MITF: variants seen among roughly 807,000 people sequenced by gnomAD.
MITF encodes microphthalmia-associated transcription factor.
A neutral mutation model predicts 60.5 loss-of-function variants in MITF; 17 were observed. The observed-to-expected ratio is 0.28, with a 90% CI of 0.19 to 0.42. The LOEUF is 0.42. MITF is among the 10% of genes least tolerant of loss of function. The probability of loss-of-function intolerance (pLI) is 1.00; values close to 1 mark genes in which losing one functional copy is unlikely to be tolerated. For missense variants in MITF, 622 were observed against 683.5 expected (o/e 0.91, Z 1.00); for synonymous variants, 260 against 248.5 (o/e 1.05, Z -0.43).
At chr3:69,751,168 T>G (rs894024980) in intron 1 of MITF, among the ~76,000 whole-genome samples, 2 of 152,242 alleles carry the variant, frequency 1.3e-5, no homozygotes, top group African/African-American at 4.8e-5. Context: ...ATGGTGGTTT[T>G]GGGCATGTCC....
At chr3:69,941,368 G>A (rs569548850) in intron 5 of MITF, 37 bp downstream of exon 5, 1 of 1,339,740 alleles carries the variant, frequency 7.5e-7, no homozygotes, top group South Asian at 1.2e-5. Context: ...AAATCTTGAG[G>A]TGTTTCCAGG....
intron 1 of MITF, among the ~76,000 whole-genome samples, chr3:69,818,930 A>G (rs2063222729): frequency 6.6e-6 from 1 of 152,190 alleles, no homozygotes; most frequent in African/African-American, 2.4e-5. Context: ...TATTACTAAT[A>G]CACGTGTATG....
At chr3:69,884,218 G>A (rs957496776) in intron 2 of MITF, among the ~76,000 whole-genome samples, 5 of 152,028 alleles carry the variant, frequency 3.3e-5, no homozygotes, top group South Asian at 2.1e-4. Context: ...CCTCCCTTCC[G>A]TCATGTTCCC....
chr3:69,860,713 A>C (rs1269249351), intron 1 of MITF, among the ~76,000 whole-genome samples: 1 of 152,000 alleles, frequency 6.6e-6, no homozygotes, highest in Non-Finnish European at 1.5e-5. Context: ...AAAACATTTA[A>C]TTTTTCCTTC....
chr3:69,753,231 G>A (rs1452785057), intron 1 of MITF, among the ~76,000 whole-genome samples: 1 of 152,246 alleles, frequency 6.6e-6, no homozygotes, highest in Non-Finnish European at 1.5e-5. Flanking sequence ...GGTGCAAGCT[G>A]TAAGCCTTGG....
At chr3:69,763,943 G>A in intron 1 of MITF, 1 of 1,356,814 alleles carries the variant, frequency 7.4e-7, no homozygotes, top group South Asian at 1.2e-5. Context: ...TTTCAAGAAG[G>A]TAATACAGAT....
At chr3:69,959,149 C>T in intron 8 of MITF, 124 bp from the exon 9 acceptor site, 2 of 1,193,298 alleles carry the variant, frequency 1.7e-6, no homozygotes, top group South Asian at 1.5e-5. Flanking sequence ...CACCTGTTCC[C>T]CCAAAACTAT....
chr3:69,960,848 G>A, intron 9 of MITF, among the ~76,000 whole-genome samples: 1 of 152,080 alleles, frequency 6.6e-6, no homozygotes, highest in East Asian at 1.9e-4. Context: ...CTTATATTTT[G>A]AAATGCCACA....
intron 2 of MITF, chr3:69,936,449 G>A: frequency 1.9e-6 from 1 of 520,410 alleles, no homozygotes; most frequent in Non-Finnish European, 3.1e-6. Context: ...ATGACGTCAA[G>A]CCAGGGGGAA....
intron 1 of MITF, among the ~76,000 whole-genome samples, chr3:69,754,076 G>A (rs1704036736): frequency 6.6e-6 from 1 of 152,194 alleles, no homozygotes; most frequent in South Asian, 2.1e-4. Context: ...AATCCCCAAT[G>A]TTGCAGGTGA....
At chr3:69,845,203 C>T (rs916669569) in intron 1 of MITF, among the ~76,000 whole-genome samples, 1 of 151,908 alleles carries the variant, frequency 6.6e-6, no homozygotes, top group Non-Finnish European at 1.5e-5. Flanking sequence ...ATGTTGTGTG[C>T]TTTTTCATAA....
chr3:69,749,133 A>AG lies in MITF; in HGVS notation c.104+9433dup, dbSNP rs530574379. Among the ~76,000 whole-genome samples, 311 of 152,340 alleles carry AG rather than the reference A, an allele frequency of 2.0e-3. 1 individual carries two copies. Among genetic ancestry groups the AG allele is most frequent in the Non-Finnish European group, 3.5e-3 (239 of 68,026 alleles). The stretch of plus-strand genomic sequence containing the variant: ...GATTTCCTTGTTTAACTCAGGACCT[A>AG]GCTCAATCCTGGTGAAGGCTACTAG... On this transcript the variant is annotated intron_variant, in intron 1 of 9. Transcript: ENST00000352241.
intron 2 of MITF, among the ~76,000 whole-genome samples, chr3:69,905,715 G>GTTT (rs535295005): frequency 3.3e-5 from 5 of 150,992 alleles, no homozygotes; most frequent in Admixed American, 2.6e-4. Flanking sequence ...CTCATTGTGT[G>GTTT]TTTTTTTTTA....
intron 1 of MITF, among the ~76,000 whole-genome samples, chr3:69,816,208 A>G (rs1046020513): frequency 1.3e-5 from 2 of 152,098 alleles, no homozygotes; most frequent in Admixed American, 1.3e-4. Context: ...TCAGGGACAC[A>G]CCTAGAAAGA....
At chr3:69,820,961 T>C (rs1250747682) in intron 1 of MITF, among the ~76,000 whole-genome samples, 4 of 152,056 alleles carry the variant, frequency 2.6e-5, no homozygotes, top group Non-Finnish European at 5.9e-5. Flanking sequence ...TGGAAAAAAG[T>C]TAAATGAGAT....
At chr3:69,866,082 G>A (rs1201429423) in intron 1 of MITF, 3 of 905,980 alleles carry the variant, frequency 3.3e-6, no homozygotes, top group African/African-American at 1.7e-5. Context: ...GTGAGGCAGC[G>A]TTTTTGTCCT....
intron 1 of MITF, among the ~76,000 whole-genome samples, chr3:69,863,964 T>C (rs1169656124): frequency 6.6e-6 from 1 of 152,220 alleles, no homozygotes; most frequent in Non-Finnish European, 1.5e-5. Context: ...TTTGTTTTTT[T>C]CACTCTGTCT....
intron 1 of MITF, among the ~76,000 whole-genome samples, chr3:69,855,791 G>T (rs2063908473): frequency 6.6e-6 from 1 of 152,168 alleles, no homozygotes; most frequent in Non-Finnish European, 1.5e-5. Flanking sequence ...CACAGCATTA[G>T]AGGAGAGGTC....
intron 1 of MITF, among the ~76,000 whole-genome samples, chr3:69,807,824 A>G (rs1403388013): frequency 6.6e-6 from 1 of 152,168 alleles, no homozygotes; most frequent in African/African-American, 2.4e-5. Context: ...AAAGTGTAGC[A>G]TAGTTGGTAA....
Sources: allele counts gnomAD v4.1 joint callset (sites outside exome capture counted in the v4.1 genomes callset), GRCh38; gene constraint gnomAD v4.1.1; transcripts MANE v1.5; gene names NCBI Gene and HGNC (gene_info 2026-07-23, HGNC 2026-07-21).